CCDC73: variants seen among roughly 807,000 people sequenced by gnomAD.
CCDC73 encodes coiled-coil domain containing 73.
CCDC73 carries 95 observed loss-of-function variants against 116.5 expected under a neutral mutation model. The ratio of observed to expected loss-of-function variants is 0.82; its 90% CI spans 0.69 to 0.97. CCDC73 has a LOEUF of 0.97. CCDC73 is among the 50% of genes least tolerant of loss of function. The pLI, the probability that CCDC73 is intolerant of heterozygous loss-of-function variation, is 0.00. For missense variants in CCDC73, 1,066 were observed against 1,206.8 expected (o/e 0.88, Z 1.73); for synonymous variants, 398 against 401.3 (o/e 0.99, Z 0.10).
intron 2 of CCDC73, among the ~76,000 whole-genome samples, chr11:32,740,439 G>T (rs1850173289): frequency 6.6e-6 from 1 of 151,966 alleles, no homozygotes; most frequent in African/African-American, 2.4e-5. Context: ...TATGTGTCTA[G>T]AAATTTATCC....
intron 7 of CCDC73, chr11:32,680,645 C>T (rs1565074662): frequency 2.0e-5 from 3 of 151,984 alleles, no homozygotes; most frequent in South Asian, 4.1e-4. Context: ...TGATAAAATG[C>T]ACAGCTTCAC....
chr11:32,733,241 T>C (rs945504253), intron 2 of CCDC73, among the ~76,000 whole-genome samples: 5 of 152,150 alleles, frequency 3.3e-5, no homozygotes, highest in African/African-American at 7.2e-5. Flanking sequence ...TATATGCACC[T>C]AATTCAGGAG....
the CCDC73 span, among the ~76,000 whole-genome samples, chr11:32,805,229 C>T: frequency 1.3e-5 from 2 of 152,196 alleles, no homozygotes; most frequent in African/African-American, 4.8e-5. Context: ...CAATTCTCTT[C>T]AGTTAATGAT....
In CCDC73 at chr11:32,700,838, T is replaced by C; in HGVS notation, c.280-12A>G. Reference sequence around the variant, plus strand: ...ATCTTCATCTGCAACTGATAAACAATTTTAAAAATTAAAATAAAGGGATCA... The same window carrying C: ...ATCTTCATCTGCAACTGATAAACAACTTTAAAAATTAAAATAAAGGGATCA... On this transcript the variant is annotated splice_polypyrimidine_tract_variant and intron_variant, in intron 4 of 17. Coordinates refer to ENST00000335185, the MANE Select transcript of CCDC73 (RefSeq NM_001008391.4). 1 of 1,412,310 alleles carries C rather than the reference T, an allele frequency of 7.1e-7. No individual in the cohort carries two copies. The highest frequency in any genetic ancestry group is 9.6e-7 in the Non-Finnish European group (1 of 1,040,920). The allele number at this position is 1,412,310 out of a possible 1,614,324, so 87.5% of individuals were successfully genotyped here.
upstream of CCDC73, among the ~76,000 whole-genome samples, chr11:32,797,399 T>C (rs10835976): frequency 0.59 from 89,131 of 152,064 alleles, 26,476 homozygotes; most frequent in East Asian, 0.85. Context: ...CAGTTCACTT[T>C]GCCTTTCTTT....
At chr11:32,679,433 G>A (rs187322871) in intron 7 of CCDC73, among the ~76,000 whole-genome samples, 319 of 151,834 alleles carry the variant, frequency 2.1e-3, no homozygotes, top group African/African-American at 6.9e-3. Context: ...GCACGATCTC[G>A]GCTCACTGCA....
At chr11:32,733,733 C>A (rs2133348269) in intron 2 of CCDC73, among the ~76,000 whole-genome samples, 1 of 152,210 alleles carries the variant, frequency 6.6e-6, no homozygotes, top group African/African-American at 2.4e-5. Context: ...AGAACAAAGA[C>A]ACAACATACC....
At chr11:32,645,692 G>A (rs1855772612) in intron 12 of CCDC73, among the ~76,000 whole-genome samples, 1 of 152,048 alleles carries the variant, frequency 6.6e-6, no homozygotes, top group African/African-American at 2.4e-5. Context: ...CAAGTATTAT[G>A]TACTACATAT....
At chr11:32,681,183 C>T (rs1856139488) in intron 7 of CCDC73, 2 of 151,822 alleles carry the variant, frequency 1.3e-5, no homozygotes, top group Admixed American at 1.3e-4. Context: ...AAGAGAAAAA[C>T]AATACGACAA....
Position 32,644,189 on chromosome 11 carries a change from A to G in CCDC73, c.940-2107T>C, listed in dbSNP as rs1250771146. 3.3e-5 allele frequency among the ~76,000 whole-genome samples: 5 copies of G among 152,186 alleles called. No homozygotes were observed. The East Asian group carries it at 9.6e-4, about 29-fold the overall frequency. On this transcript the variant is annotated intron_variant, in intron 12 of 17. Coordinates refer to ENST00000335185, the MANE Select transcript of CCDC73 (RefSeq NM_001008391.4). The stretch of plus-strand genomic sequence containing the variant: ...GTGAGATCATGTCCTTTGCAGCAAC[A>G]TGGATGGAGCTGGAGGCCATTATCC...
chr11:32,785,472 G>A (rs1850619829), intron 1 of CCDC73, among the ~76,000 whole-genome samples: 1 of 152,136 alleles, frequency 6.6e-6, no homozygotes, highest in South Asian at 2.1e-4. Flanking sequence ...CGTGATCACA[G>A]CTCACTGAAG....
intron 6 of CCDC73, among the ~76,000 whole-genome samples, chr11:32,694,308 A>G (rs1856289422): frequency 6.6e-6 from 1 of 152,242 alleles, no homozygotes; most frequent in African/African-American, 2.4e-5. Flanking sequence ...GTGAACTCCC[A>G]TTCACAATTG....
At chr11:32,830,387 C>A in the CCDC73 span, 1 of 936,484 alleles carries the variant, frequency 1.1e-6, no homozygotes, top group East Asian at 3.2e-5. Flanking sequence ...ACCGAAACCG[C>A]GCGCCGGGCG....
At chr11:32,681,054 G>C (rs1055346375) in intron 7 of CCDC73, 1 of 151,650 alleles carries the variant, frequency 6.6e-6, no homozygotes, top group South Asian at 2.1e-4. Flanking sequence ...TATTCTACTG[G>C]GAAAGAAAGT....
chr11:32,779,188 G>A (rs996288677), intron 1 of CCDC73, among the ~76,000 whole-genome samples: 1 of 148,630 alleles, frequency 6.7e-6, no homozygotes, highest in African/African-American at 2.5e-5. Flanking sequence ...CCAGTGAAGA[G>A]TAGCTTTGTC....
At position 32,654,969 on chromosome 11, in the gene CCDC73, G is replaced by C; in HGVS notation, c.649C>G (p.Leu217Val). Residue 217 changes from leucine (L) to valine (V), a missense_variant, in exon 10 of 18, where the codon CTA becomes GTA. By Grantham distance (32) the Leu-to-Val change is conservative. Transcript: ENST00000335185. Reference sequence around the variant, plus strand: ...ATCAAGTCTGAGGCTGCTTTTTTTAGTTCCTTAATAAGAAACATATCAAAC... The same window carrying C: ...ATCAAGTCTGAGGCTGCTTTTTTTACTTCCTTAATAAGAAACATATCAAAC... ...EAEICSLKKE[L>V]KKAASDLIKS... 1.3e-6 allele frequency: 2 copies of C among 1,585,810 alleles called. No homozygotes were observed. Among genetic ancestry groups the C allele is most frequent in the South Asian group, 2.4e-5 (2 of 84,248 alleles).
chr11:32,768,124 A>G (rs1185088878), intron 1 of CCDC73, among the ~76,000 whole-genome samples: 2 of 152,258 alleles, frequency 1.3e-5, no homozygotes, highest in Non-Finnish European at 2.9e-5. Context: ...CATATACACC[A>G]TGGAATACTA....
At chr11:32,684,181 G>T (rs1417098318) in intron 6 of CCDC73, among the ~76,000 whole-genome samples, 1 of 152,160 alleles carries the variant, frequency 6.6e-6, no homozygotes. Context: ...CTCCTAAGTA[G>T]CTGGGTACTA....
At chr11:32,622,705 G>A in intron 14 of CCDC73, among the ~76,000 whole-genome samples, 1 of 139,114 alleles carries the variant, frequency 7.2e-6, no homozygotes, top group Non-Finnish European at 1.5e-5. Flanking sequence ...TGAACCTCTA[G>A]GACACAGCTC....
Sources: gnomAD v4.1 joint callset for allele counts (sites outside exome capture counted in the v4.1 genomes callset) on GRCh38, gnomAD v4.1.1 for gene constraint, MANE v1.5 for transcripts, NCBI Gene and HGNC (gene_info 2026-07-23, HGNC 2026-07-21) for gene names.